RORC: variants seen among roughly 807,000 people sequenced by gnomAD.
RORC encodes RAR related orphan receptor C.
RORC carries 13 observed loss-of-function variants against 64.5 expected under a neutral mutation model. That is an observed-to-expected ratio of 0.20 (90% CI 0.13 to 0.32). The LOEUF is 0.32. Among genes scored for constraint, RORC ranks in the 10% least tolerant of loss-of-function variants. The pLI is 1.00. For synonymous variants in RORC, 277 were observed against 259.3 expected (o/e 1.07, Z -0.65); for missense variants, 468 against 669.5 (o/e 0.70, Z 3.32).
intron 2 of RORC, among the ~76,000 whole-genome samples, chr1:151,817,660 G>T (rs1005615482): frequency 6.6e-6 from 1 of 152,246 alleles, no homozygotes; most frequent in Non-Finnish European, 1.5e-5. Flanking sequence ...GCTTCCCGCC[G>T]AAGGGGCTTC....
intron 4 of RORC, 74 bp from the exon 5 acceptor site, chr1:151,815,499 G>C (rs1474647959): frequency 6.7e-7 from 1 of 1,482,364 alleles, no homozygotes; most frequent in African/African-American, 1.4e-5. Flanking sequence ...GAGGCATTTG[G>C]TCATTAAAGG....
chr1:151,825,956 C>T (rs201400927), intron 2 of RORC: 22 of 1,613,072 alleles, frequency 1.4e-5, no homozygotes, highest in South Asian at 2.2e-5. Flanking sequence ...TTGGCTCTGC[C>T]GGCCTTGGCT....
intron 2 of RORC, among the ~76,000 whole-genome samples, chr1:151,820,694 G>T (rs1028082405): frequency 6.6e-6 from 1 of 152,112 alleles, no homozygotes; most frequent in African/African-American, 2.4e-5. Context: ...AAATGCACCC[G>T]CCAGCTCCTT....
chr1:151,828,993 A>G (rs1344785984), intron 2 of RORC, among the ~76,000 whole-genome samples: 2 of 129,920 alleles, frequency 1.5e-5, no homozygotes, highest in Non-Finnish European at 3.4e-5. Flanking sequence ...AAAAAAAAAA[A>G]AAGCCTGGTG....
At chr1:151,816,094 C>G (rs1239799849) in intron 4 of RORC, among the ~76,000 whole-genome samples, 2 of 149,606 alleles carry the variant, frequency 1.3e-5, no homozygotes, top group Non-Finnish European at 2.9e-5. Context: ...TCACCTCATG[C>G]CCCCCCAGCT....
chr1:151,820,240 G>C (rs1651934372), intron 2 of RORC, among the ~76,000 whole-genome samples: 1 of 152,168 alleles, frequency 6.6e-6, no homozygotes, highest in Non-Finnish European at 1.5e-5. Flanking sequence ...TTGTAGAGAA[G>C]GGGTGGGGGA....
intron 6 of RORC, chr1:151,813,848 A>T: frequency 1.9e-6 from 1 of 538,826 alleles, no homozygotes; most frequent in Non-Finnish European, 3.3e-6. Flanking sequence ...GTTGTGAGGG[A>T]ATCCAAAAAG....
chr1:151,813,624 C>T lies in RORC; in HGVS notation c.934-4G>A, dbSNP rs1196561991. 6.2e-7 allele frequency: 1 copy of T among 1,614,010 alleles called. No individual in the cohort carries two copies. Among genetic ancestry groups the T allele is most frequent in the Non-Finnish European group, 8.5e-7 (1 of 1,180,022 alleles). ...GTTCCCACATCTCCCACATGGACTGCAGGGAGGGAGGAGGGTCCCGCTGTA... is the reference window on the plus strand; with the variant it reads ...GTTCCCACATCTCCCACATGGACTGTAGGGAGGGAGGAGGGTCCCGCTGTA... On this transcript the variant is annotated splice_region_variant and splice_polypyrimidine_tract_variant and intron_variant, in intron 6 of 10. Transcript: ENST00000318247.
chr1:151,813,123 T>TG (rs1651604384), intron 8 of RORC, 66 bp from the exon 9 acceptor site: 6 of 1,463,800 alleles, frequency 4.1e-6, no homozygotes, highest in Non-Finnish European at 5.7e-6. Flanking sequence ...GACACCGCCC[T>TG]TATTGTGTTT....
chr1:151,825,556 G>C (rs1462797942), intron 2 of RORC, among the ~76,000 whole-genome samples: 2 of 152,154 alleles, frequency 1.3e-5, no homozygotes, highest in Admixed American at 6.5e-5. Flanking sequence ...TAACAGGAGA[G>C]TGCGTTCAGG....
At chr1:151,827,748 G>C (rs548655031) in intron 2 of RORC, among the ~76,000 whole-genome samples, 1 of 152,220 alleles carries the variant, frequency 6.6e-6, no homozygotes, top group Non-Finnish European at 1.5e-5. Flanking sequence ...CGTGGAGTGG[G>C]GGAGAGGCTG....
rs536247342 is a variant in RORC at position 151,823,030 on chromosome 1, C to T, written c.71-5750G>A. Among the ~76,000 whole-genome samples the T allele has an allele frequency of 9.9e-4, 151 of 152,098 alleles. 7 individuals are homozygous for T. In the South Asian group the frequency reaches 0.028, roughly 28 times the overall value. Reference sequence around the variant, plus strand: ...ACCGAATATTTTCATTGTGCTGGGACAAGCTGAGTCTTTTCAGAGTCTAGC... The same window carrying T: ...ACCGAATATTTTCATTGTGCTGGGATAAGCTGAGTCTTTTCAGAGTCTAGC... On this transcript the variant is annotated intron_variant, in intron 2 of 10. Coordinates refer to ENST00000318247, the MANE Select transcript of RORC (RefSeq NM_005060.4).
intron 2 of RORC, among the ~76,000 whole-genome samples, chr1:151,828,636 T>A (rs1262472960): frequency 6.6e-6 from 1 of 152,088 alleles, no homozygotes; most frequent in Admixed American, 6.5e-5. Context: ...TGTTCACACC[T>A]CAGGATGTGT....
At chr1:151,827,529 T>TC (rs752464823) in intron 2 of RORC, among the ~76,000 whole-genome samples, 15 of 152,080 alleles carry the variant, frequency 9.9e-5, no homozygotes. Context: ...TCCCCCGGGT[T>TC]CCCCATCTTG....
At chr1:151,824,335 A>G (rs2101672548) in intron 2 of RORC, among the ~76,000 whole-genome samples, 1 of 152,196 alleles carries the variant, frequency 6.6e-6, no homozygotes, top group African/African-American at 2.4e-5. Context: ...AGAGCTGGCC[A>G]AGTGTCTCCC....
Position 151,830,973 on chromosome 1 carries a change from G to T in RORC, c.40+752C>A, listed in dbSNP as rs80223568. The stretch of plus-strand genomic sequence containing the variant: ...CCACCAGGTGGCCCTGGAGCTTGGT[G>T]GCTCTGGCCCTCAAACTTTCCTCCT... On this transcript the variant is annotated intron_variant, in intron 1 of 10. Coordinates refer to ENST00000318247, the MANE Select transcript of RORC (RefSeq NM_005060.4). This position sits in a 1 kb window ranked among gnomAD's most constrained non-coding sequence, Gnocchi z 4.0. 0.29 allele frequency: 376,620 copies of T among 1,288,984 alleles called. 59,029 individuals are homozygous for T. Among genetic ancestry groups the T allele is most frequent in the East Asian group, 0.45 (8,092 of 17,988 alleles). 79.8% of individuals were successfully genotyped at this position (1,288,984 alleles called of 1,614,324 possible). A position where few individuals can be genotyped will look rare whatever the true frequency, so the allele number is the denominator to read the frequency against.
chr1:151,810,788 C>A (rs534689736), intron 10 of RORC, among the ~76,000 whole-genome samples: 7 of 152,320 alleles, frequency 4.6e-5, no homozygotes, highest in African/African-American at 1.4e-4. Context: ...CCGCCTTGGC[C>A]TCCCAAAGTG....
chr1:151,818,365 T>C (rs1020579495), intron 2 of RORC, among the ~76,000 whole-genome samples: 1 of 152,234 alleles, frequency 6.6e-6, no homozygotes, highest in Non-Finnish European at 1.5e-5. Context: ...TGTCTGCTCA[T>C]GGGGCACTAG....
intron 2 of RORC, chr1:151,826,045 C>T (rs201711947): frequency 2.3e-5 from 36 of 1,587,536 alleles, no homozygotes; most frequent in African/African-American, 4.0e-5. Flanking sequence ...CTCTCAGCAG[C>T]GCCTCAGCCT....
Sources: gnomAD v4.1 joint callset for allele counts (sites outside exome capture counted in the v4.1 genomes callset) on GRCh38, gnomAD v4.1.1 for gene constraint, Gnocchi (gnomAD v3.1) non-coding constraint, MANE v1.5 for transcripts, NCBI Gene and HGNC (gene_info 2026-07-23, HGNC 2026-07-21) for gene names.